HDAC9: variants seen among roughly 807,000 people sequenced by gnomAD.
HDAC9 encodes the protein histone deacetylase 9.
Under a neutral mutation model 139.4 loss-of-function variants are expected in HDAC9, and 41 were observed. The observed-to-expected ratio is 0.29, with a 90% confidence interval of 0.23 to 0.38. The LOEUF (loss-of-function observed/expected upper bound fraction) is 0.38. Among genes scored for constraint, HDAC9 ranks in the 10% least tolerant of loss-of-function variants. The pLI is 1.00. For missense variants in HDAC9, 1,147 were observed against 1,297.0 expected (o/e 0.88, Z 1.78); for synonymous variants, 517 against 476.2 (o/e 1.09, Z -1.12).
chr7:18,464,044 A>G (rs1262761696), intron 1 of HDAC9, among the ~76,000 whole-genome samples: 2 of 151,970 alleles, frequency 1.3e-5, no homozygotes, highest in African/African-American at 4.8e-5. Context: ...TGAGGGAAAT[A>G]TGTTAAAATC....
intron 1 of HDAC9, among the ~76,000 whole-genome samples, chr7:18,452,310 C>T (rs995433014): frequency 6.6e-6 from 1 of 152,106 alleles, no homozygotes; most frequent in African/African-American, 2.4e-5. Context: ...GGAACATTGT[C>T]CAGGATACGT....
At chr7:18,987,658 G>A (rs1232638682) in intron 25 of HDAC9, among the ~76,000 whole-genome samples, 1 of 152,052 alleles carries the variant, frequency 6.6e-6, no homozygotes, top group South Asian at 2.1e-4. Context: ...GTTCCTCCTT[G>A]TACCTCTGGT....
intron 12 of HDAC9, among the ~76,000 whole-genome samples, chr7:18,669,040 A>C (rs1320255994): frequency 6.6e-6 from 1 of 151,576 alleles, no homozygotes; most frequent in Non-Finnish European, 1.5e-5. Flanking sequence ...TTTACATCCA[A>C]AATTTTCAAA....
chr7:18,576,104 A>G (rs1009879685), intron 2 of HDAC9, among the ~76,000 whole-genome samples: 3 of 152,242 alleles, frequency 2.0e-5, no homozygotes, highest in African/African-American at 7.2e-5. Flanking sequence ...GAAAGGTTTT[A>G]GGAAGAGAGA....
chr7:18,605,730 G>C (rs1159734233), intron 6 of HDAC9, among the ~76,000 whole-genome samples: 2 of 152,026 alleles, frequency 1.3e-5, no homozygotes, highest in Non-Finnish European at 2.9e-5. Flanking sequence ...GCCCAGGCTG[G>C]AATGCAGTGG....
intron 1 of HDAC9, among the ~76,000 whole-genome samples, chr7:18,153,799 C>T (rs1786967579): frequency 1.3e-5 from 2 of 152,138 alleles, no homozygotes; most frequent in African/African-American, 4.8e-5. Flanking sequence ...CCATGTACCT[C>T]ACATCTTTGG....
At chr7:18,130,855 A>G (rs1488896295) in intron 1 of HDAC9, among the ~76,000 whole-genome samples, 1 of 151,612 alleles carries the variant, frequency 6.6e-6, no homozygotes, top group Non-Finnish European at 1.5e-5. Flanking sequence ...TTTTGCCTTC[A>G]GTGTGCTACC....
intron 1 of HDAC9, among the ~76,000 whole-genome samples, chr7:18,127,556 C>G (rs963247195): frequency 3.3e-5 from 5 of 152,096 alleles, no homozygotes; most frequent in Non-Finnish European, 7.4e-5. Context: ...ACCTTATTCT[C>G]TCTGGTTTTC....
At chr7:18,481,103 C>T (rs185019059) in intron 1 of HDAC9, among the ~76,000 whole-genome samples, 1 of 152,128 alleles carries the variant, frequency 6.6e-6, no homozygotes. Flanking sequence ...TCCACTGTGG[C>T]GGCTTCTGGC....
chr7:18,317,210 AAATT>A (rs1562871472), intron 1 of HDAC9, among the ~76,000 whole-genome samples: 1 of 151,504 alleles, frequency 6.6e-6, no homozygotes, highest in Non-Finnish European at 1.5e-5. Flanking sequence ...ATAAATAAAT[AAATT>A]AATTAAATTA....
intron 17 of HDAC9, among the ~76,000 whole-genome samples, chr7:18,811,090 T>A (rs547156511): frequency 1.3e-5 from 2 of 151,988 alleles, no homozygotes; most frequent in East Asian, 3.9e-4. Flanking sequence ...ATTTGTGGAA[T>A]CTGTAATGTC....
rs60898555 is a variant in HDAC9, at chr7:18,684,463, CACAAACAAACAA to C, written c.1731+18008_1731+18019del. ...AAGACCAACCTGAGGTGCAACAACT[CACAAACAAACAA>C]ACAAACAAACAAACAAACAATAAAA... On this transcript the variant is annotated intron_variant, in intron 12 of 25. Transcript: ENST00000686413. Among the ~76,000 whole-genome samples the C allele has an allele frequency of 3.6e-4, 54 of 150,316 alleles. 2 individuals are homozygous for C. Among genetic ancestry groups the C allele is most frequent in the African/African-American group, 1.2e-3 (49 of 40,610 alleles).
intron 11 of HDAC9, among the ~76,000 whole-genome samples, chr7:18,662,411 G>T (rs1467466167): frequency 6.7e-6 from 1 of 148,666 alleles, no homozygotes; most frequent in African/African-American, 2.5e-5. Context: ...ATGGTGTGGT[G>T]GGGGAGGAGG....
chr7:18,995,242 G>A lies in HDAC9; in HGVS notation c.3171-781G>A, dbSNP rs1585523482. The stretch of plus-strand genomic sequence containing the variant: ...CTCAGACGCAAACTCAATTCACCCG[G>A]CATCTCATATCCCAGTAATCTTCCC... On this transcript the variant is annotated intron_variant, in intron 25 of 25. Transcript: ENST00000686413. Among the ~76,000 whole-genome samples, 3 of 152,088 alleles carry A rather than the reference G, an allele frequency of 2.0e-5. No individual in the cohort carries two copies. The South Asian group carries it at 6.2e-4, about 32-fold the overall frequency.
chr7:18,451,421 G>GTA (rs879485455), intron 1 of HDAC9, among the ~76,000 whole-genome samples: 3 of 148,340 alleles, frequency 2.0e-5, no homozygotes, highest in South Asian at 2.2e-4. Context: ...GTGTGTGTGT[G>GTA]TATATATATG....
At chr7:18,181,209 G>T (rs1789404443) in intron 2 of HDAC9, among the ~76,000 whole-genome samples, 1 of 152,160 alleles carries the variant, frequency 6.6e-6, no homozygotes, top group African/African-American at 2.4e-5. Context: ...AATAATATCT[G>T]AAGTCATGCT....
At chr7:18,965,265 G>A (rs1166862043) in intron 24 of HDAC9, among the ~76,000 whole-genome samples, 1 of 152,110 alleles carries the variant, frequency 6.6e-6, no homozygotes, top group Non-Finnish European at 1.5e-5. Context: ...CCAGGACATG[G>A]GATAGTTTAT....
chr7:18,530,342 A>G (rs1808495471), intron 2 of HDAC9, among the ~76,000 whole-genome samples: 1 of 152,186 alleles, frequency 6.6e-6, no homozygotes, highest in East Asian at 1.9e-4. Context: ...CACTTTATGG[A>G]AGCTGTCCCC....
At chr7:18,307,100 TGTG>T in intron 1 of HDAC9, among the ~76,000 whole-genome samples, 1 of 6,862 alleles carries the variant, frequency 1.5e-4, no homozygotes, top group Admixed American at 1.5e-3. Flanking sequence ...GCAGTTCTTG[TGTG>T]TGTGTGTGTG....
Sources: allele counts gnomAD v4.1 joint callset (sites outside exome capture counted in the v4.1 genomes callset), GRCh38; gene constraint gnomAD v4.1.1; transcripts MANE v1.5; gene names NCBI Gene and HGNC (gene_info 2026-07-23, HGNC 2026-07-21).